The following SLC35A1 variants were observed in gnomAD, a reference collection of about 807,000 sequenced individuals.
The protein encoded by SLC35A1 is solute carrier family 35 member A1.
Under a neutral mutation model 40.3 loss-of-function variants are expected in SLC35A1, and 21 were observed. That is an observed-to-expected ratio of 0.52 (90% CI 0.37 to 0.75). SLC35A1 has a LOEUF of 0.75. Ranked by LOEUF, SLC35A1 falls within the 30% of genes least tolerant of loss-of-function variation. The pLI is 0.00. For missense variants in SLC35A1, 297 were observed against 382.1 expected, an observed-to-expected ratio of 0.78 and a Z score of 1.86; for synonymous variants, 146 against 147.3, an observed-to-expected ratio of 0.99 and a Z score of 0.06.
rs1770153147 is a variant in SLC35A1, at chr6:87,508,426, A to G, written c.581A>G (p.Tyr194Cys). Residue 194 changes from tyrosine (Y) to cysteine (C), a missense_variant, in exon 6 of 8, where the codon TAT (tyrosine) becomes TGT (cysteine). Physicochemically the swap from Tyr to Cys is radical, Grantham distance 194. Coordinates refer to ENST00000369552, the MANE Select transcript of SLC35A1 (RefSeq NM_006416.5). ...ATGTCTAATTTTCTTTCAGGAGTATATTTTGAAAAAGTTTTAAAGAGTTCA... is the reference window on the plus strand; with the variant it reads ...ATGTCTAATTTTCTTTCAGGAGTATGTTTTGAAAAAGTTTTAAAGAGTTCA... ...AVLCSGFAGV[Y>C]FEKVLKSSDT... is the part of the protein sequence containing the mutation. 1.3e-6 allele frequency: 2 copies of G among 1,597,272 alleles called. No individual in the cohort carries two copies. Among genetic ancestry groups the G allele is most frequent in the Non-Finnish European group, 1.7e-6 (2 of 1,166,412 alleles).
intron 1 of SLC35A1, among the ~76,000 whole-genome samples, chr6:87,476,152 C>T (rs553406605): frequency 2.6e-4 from 40 of 152,328 alleles, no homozygotes; most frequent in African/African-American, 9.4e-4. Flanking sequence ...GATATACTTG[C>T]AGGCAATTCT....
At chr6:87,505,781 G>C (rs555416936) in intron 4 of SLC35A1, among the ~76,000 whole-genome samples, 1 of 152,300 alleles carries the variant, frequency 6.6e-6, no homozygotes. Context: ...CTTGAGGACA[G>C]AGCCTTCATG....
chr6:87,481,182 G>A (rs542010882), intron 2 of SLC35A1, among the ~76,000 whole-genome samples: 9 of 152,240 alleles, frequency 5.9e-5, no homozygotes, highest in Non-Finnish European at 8.8e-5. Context: ...TTGGGAGGCC[G>A]AGGCGGGTGG....
In SLC35A1 at chr6:87,511,634, C is replaced by T. The variant is rs1472243900; in HGVS notation, c.*108C>T. 24 of 1,192,736 alleles carry T rather than the reference C, an allele frequency of 2.0e-5. No individual in the cohort carries two copies. The highest frequency in any genetic ancestry group is 8.6e-5 in the South Asian group (7 of 81,808). The allele number at this position is 1,192,736 out of a possible 1,614,324, so 73.9% of individuals were successfully genotyped here. On this transcript the variant is annotated 3_prime_UTR_variant, in exon 8 of 8. Coordinates refer to ENST00000369552, the MANE Select transcript of SLC35A1 (RefSeq NM_006416.5). ...AAACAAATAAAAATTAACTGTATGGCATGATCAGTGCGGTTATGTGGAAAC... is the reference window on the plus strand; with the variant it reads ...AAACAAATAAAAATTAACTGTATGGTATGATCAGTGCGGTTATGTGGAAAC...
At chr6:87,490,394 C>T (rs748455693) in intron 2 of SLC35A1, among the ~76,000 whole-genome samples, 4 of 141,830 alleles carry the variant, frequency 2.8e-5, no homozygotes, top group Non-Finnish European at 6.0e-5. Flanking sequence ...TGTACAGTGG[C>T]GTGATTTCGG....
intron 2 of SLC35A1, among the ~76,000 whole-genome samples, chr6:87,494,976 C>CT (rs570511585): frequency 1.4e-3 from 210 of 146,654 alleles, no homozygotes; most frequent in African/African-American, 3.3e-3. Context: ...ACAAAGTCAA[C>CT]TTTTTTTTTT....
At chr6:87,510,383 G>A (rs1451062339) in intron 7 of SLC35A1, among the ~76,000 whole-genome samples, 1 of 152,128 alleles carries the variant, frequency 6.6e-6, no homozygotes, top group African/African-American at 2.4e-5. Flanking sequence ...TGTTCTTACT[G>A]ATGGTCAACT....
chr6:87,501,877 T>A (rs1769932345), intron 4 of SLC35A1, among the ~76,000 whole-genome samples: 1 of 152,258 alleles, frequency 6.6e-6, no homozygotes. Flanking sequence ...AACAGATTTT[T>A]AAAGAGTTAA....
At chr6:87,488,852 G>A (rs554147982) in intron 2 of SLC35A1, among the ~76,000 whole-genome samples, 1 of 152,342 alleles carries the variant, frequency 6.6e-6, no homozygotes, top group Admixed American at 6.5e-5. Flanking sequence ...CCAGATCCAT[G>A]TTTTAAATGA....
At position 87,511,402 on chromosome 6, in the gene SLC35A1, T is replaced by G. The variant is rs201507608; in HGVS notation, c.890T>G (p.Leu297Arg). 420 of 1,613,470 alleles carry G rather than the reference T, an allele frequency of 2.6e-4. No individual in the cohort carries two copies. The highest frequency in any genetic ancestry group is 5.2e-4 in the Admixed American group (31 of 59,986). ...SVMLFGLQIT[L>R]TFALGTLLVC... ...CTATTTTTTTTTTTCTTTTCAGCAC[T>G]CACCTTTGCCCTGGGTACTCTTCTT... is the stretch of plus-strand genomic sequence containing the variant. The change falls in exon 8 of 8, where the codon CTC (leucine) becomes CGC (arginine). Residue 297 changes from leucine to arginine, a missense_variant. Transcript: ENST00000369552.
At chr6:87,492,886 G>A (rs1432861172) in intron 2 of SLC35A1, among the ~76,000 whole-genome samples, 1 of 151,956 alleles carries the variant, frequency 6.6e-6, no homozygotes. Context: ...TGCCTGCTAG[G>A]TTTCTCCACA....
chr6:87,500,374 A>T, intron 2 of SLC35A1, 134 bp from the exon 3 acceptor site: 1 of 835,424 alleles, frequency 1.2e-6, no homozygotes, highest in Non-Finnish European at 2.0e-6. Flanking sequence ...ATCTAAAACT[A>T]GTTAGAAATT....
chr6:87,475,960 G>T (rs1769056999), intron 1 of SLC35A1, among the ~76,000 whole-genome samples: 3 of 152,174 alleles, frequency 2.0e-5, no homozygotes. Flanking sequence ...AGGTGAAGGG[G>T]AACTGGGGGA....
intron 2 of SLC35A1, among the ~76,000 whole-genome samples, chr6:87,496,582 G>C (rs1769732360): frequency 6.6e-6 from 1 of 151,856 alleles, no homozygotes; most frequent in African/African-American, 2.4e-5. Flanking sequence ...TTCAAGACCA[G>C]CCTGGCCAAC....
chr6:87,504,152 G>T (rs1245189809), intron 4 of SLC35A1, among the ~76,000 whole-genome samples: 4 of 151,926 alleles, frequency 2.6e-5, no homozygotes, highest in African/African-American at 9.7e-5. Flanking sequence ...TTAGCTAGAT[G>T]TGGTGATGCA....
At chr6:87,501,044 C>T (rs1190443519) in intron 3 of SLC35A1, 114 bp from the exon 4 acceptor site, 2 of 1,072,458 alleles carry the variant, frequency 1.9e-6, no homozygotes, top group African/African-American at 1.6e-5. Flanking sequence ...GCCACCGTGC[C>T]CGGCCATTAT....
chr6:87,502,007 C>T (rs1240242989), intron 4 of SLC35A1, among the ~76,000 whole-genome samples: 1 of 152,082 alleles, frequency 6.6e-6, no homozygotes. Flanking sequence ...GAGTTTCCTA[C>T]AGTTGAATAT....
chr6:87,477,212 ACAT>A (rs922610018), intron 1 of SLC35A1, 147 bp from the exon 2 acceptor site: 4 of 654,090 alleles, frequency 6.1e-6, no homozygotes, highest in Non-Finnish European at 1.1e-5. Context: ...TAATTGGCAA[ACAT>A]TGTTTTGAAA....
intron 1 of SLC35A1, among the ~76,000 whole-genome samples, chr6:87,473,308 G>A (rs1045616508): frequency 6.6e-6 from 1 of 152,096 alleles, no homozygotes; most frequent in African/African-American, 2.4e-5. Context: ...CTGACAGGCC[G>A]GGGCTGCGGC....
Sources: gnomAD v4.1 joint callset for allele counts (sites outside exome capture counted in the v4.1 genomes callset) on GRCh38, gnomAD v4.1.1 for gene constraint, MANE v1.5 for transcripts, NCBI Gene and HGNC (gene_info 2026-07-23, HGNC 2026-07-21) for gene names.